ATAD2: variants seen among roughly 807,000 people sequenced by gnomAD.
The protein encoded by ATAD2 is ATPase family AAA domain-containing protein 2.
A neutral mutation model predicts 168.9 loss-of-function variants in ATAD2; 62 were observed. The ratio of observed to expected loss-of-function variants is 0.37; its 90% CI spans 0.30 to 0.45. The LOEUF is 0.45. Ranked by LOEUF, ATAD2 falls within the 20% of genes least tolerant of loss-of-function variation. The pLI is 1.00. For missense variants in ATAD2, 1,419 were observed against 1,667.8 expected, an observed-to-expected ratio of 0.85 and a Z score of 2.60; for synonymous variants, 613 against 571.6, an observed-to-expected ratio of 1.07 and a Z score of -1.03.
intron 2 of ATAD2, among the ~76,000 whole-genome samples, chr8:123,375,230 G>A (rs528169954): frequency 2.5e-4 from 38 of 152,238 alleles, no homozygotes; most frequent in Admixed American, 1.8e-3. Context: ...TTTTTGTACA[G>A]GAAATCTTCT....
At chr8:123,407,463 C>T (rs762905329) in intron 1 of ATAD2, among the ~76,000 whole-genome samples, 1 of 151,906 alleles carries the variant, frequency 6.6e-6, no homozygotes, top group Non-Finnish European at 1.5e-5. Context: ...GTGGCTCACA[C>T]CTGCAATCCC....
At chr8:123,371,964 T>C (rs922292127) in intron 3 of ATAD2, 129 bp from the exon 4 acceptor site, 2 of 1,004,922 alleles carry the variant, frequency 2.0e-6, no homozygotes, top group African/African-American at 3.3e-5. Flanking sequence ...AAACTTAGCT[T>C]TCTTAAAAAC....
chr8:123,357,723 AAAAC>A lies in ATAD2; in HGVS notation c.1392_1395del (p.Leu464PhefsTer27). 3 of 1,607,556 alleles carry A rather than the reference AAAAC, an allele frequency of 1.9e-6. No homozygotes were observed. Among genetic ancestry groups the A allele is most frequent in the Non-Finnish European group, 1.7e-6 (2 of 1,178,110 alleles). ...GTCTTTCCAGTTCCAGGTGGCCCAT[AAAAC>A]AAACAACCTCTGTAAAACAATACAT... On this transcript the variant is annotated frameshift_variant, in exon 12 of 28. Coordinates refer to ENST00000287394, the MANE Select transcript of ATAD2 (RefSeq NM_014109.4). LOFTEE classifies it high-confidence loss of function.
In ATAD2 at chr8:123,320,735, T is replaced by C. The variant is rs1370212838; in HGVS notation, c.*399A>G. On this transcript the variant is annotated 3_prime_UTR_variant, in exon 28 of 28. Coordinates refer to ENST00000287394, the MANE Select transcript of ATAD2 (RefSeq NM_014109.4). ...GACAAAAAAGATGGGAAGGACACAA[T>C]GGTTAAGTAAGTTTCTTGTCAGATA... is the stretch of plus-strand genomic sequence containing the variant. 6.0e-6 allele frequency: 1 copy of C among 165,988 alleles called. No individual in the cohort carries two copies. Among genetic ancestry groups the C allele is most frequent in the Non-Finnish European group, 1.3e-5 (1 of 77,666 alleles). 10.3% of individuals were successfully genotyped at this position (165,988 alleles called of 1,614,324 possible).
upstream of ATAD2, chr8:123,400,509 A>C (rs1374022736): frequency 2.6e-6 from 1 of 389,164 alleles, no homozygotes; most frequent in Non-Finnish European, 4.9e-6. The surrounding 1 kb of genome is among the most constrained non-coding windows in gnomAD (Gnocchi z 4.5). Flanking sequence ...GTCTCAAAAA[A>C]ATAGCCTGCC....
At chr8:123,344,344 CTTTT>C (rs764379399) in intron 19 of ATAD2, among the ~76,000 whole-genome samples, 1 of 125,860 alleles carries the variant, frequency 7.9e-6, no homozygotes, top group Non-Finnish European at 1.7e-5. Flanking sequence ...TTTTTAAATA[CTTTT>C]TTTTTTTTTT....
rs1264465553 is a variant in ATAD2 at position 123,369,909 on chromosome 8, TTCATCATCTTCATCATCA to T, written c.825_842del (p.Asp275_Asp280del). 2 of 1,585,526 alleles carry T rather than the reference TTCATCATCTTCATCATCA, an allele frequency of 1.3e-6. No individual in the cohort carries two copies. Among genetic ancestry groups the T allele is most frequent in the Non-Finnish European group, 1.7e-6 (2 of 1,162,038 alleles). On this transcript the variant is annotated inframe_deletion, in exon 7 of 28. Coordinates refer to ENST00000287394, the MANE Select transcript of ATAD2 (RefSeq NM_014109.4). Reference sequence around the variant, plus strand: ...TCTCTTCTTCTCCATCTTCTTCATCTTCATCATCTTCATCATCATCATCATCATCATCATCGTCATCAT... The same window carrying T: ...TCTCTTCTTCTCCATCTTCTTCATCTTCATCATCATCATCATCGTCATCAT...
At chr8:123,413,218 A>T in intron 1 of ATAD2, among the ~76,000 whole-genome samples, 1 of 77,890 alleles carries the variant, frequency 1.3e-5, no homozygotes. Context: ...CCTGGCTCTA[A>T]TGAGCGCCCC....
In ATAD2 at chr8:123,328,324, G is replaced by A; in HGVS notation, c.3734C>T (p.Thr1245Ile). Reference protein sequence around the residue: ...SKLELRNNSNTCNIENELEDS... With the variant: ...SKLELRNNSNICNIENELEDS... ...TTCAAGCTCATTCTCTATATTACAA[G>A]TATTTGAATTATTTCTCAATTCCAG... Residue 1245 changes from threonine (T) to isoleucine (I), a missense_variant, in exon 25 of 28, where the codon ACT (threonine) becomes ATT (isoleucine). Coordinates refer to ENST00000287394, the MANE Select transcript of ATAD2 (RefSeq NM_014109.4). 1.2e-6 allele frequency: 2 copies of A among 1,607,200 alleles called. No homozygotes were observed. Among genetic ancestry groups the A allele is most frequent in the Non-Finnish European group, 8.5e-7 (1 of 1,177,676 alleles).
At chr8:123,357,188 A>G (rs140533449) in intron 12 of ATAD2, among the ~76,000 whole-genome samples, 18 of 152,322 alleles carry the variant, frequency 1.2e-4, no homozygotes, top group African/African-American at 4.1e-4. Context: ...ATTATCTTAC[A>G]ATGTGCTGTC....
intron 1 of ATAD2, among the ~76,000 whole-genome samples, chr8:123,409,770 T>C (rs1175577780): frequency 1.3e-5 from 2 of 151,852 alleles, no homozygotes; most frequent in South Asian, 4.2e-4. Context: ...TTTAGTTTTG[T>C]ACTAAAAATA....
chr8:123,342,781 C>T (rs1181218966), intron 19 of ATAD2, among the ~76,000 whole-genome samples: 2 of 152,062 alleles, frequency 1.3e-5, no homozygotes, highest in Admixed American at 6.6e-5. Context: ...CCTTGATAAC[C>T]TTGGCCTCCT....
intron 21 of ATAD2, among the ~76,000 whole-genome samples, chr8:123,336,860 T>C (rs1449283453): frequency 6.6e-6 from 1 of 151,888 alleles, no homozygotes; most frequent in Non-Finnish European, 1.5e-5. Flanking sequence ...TCCAATTGTG[T>C]AGGTCATAAT....
rs192459430 is a variant in ATAD2, at chr8:123,386,793, C to T, written c.172-6116G>A. On this transcript the variant is annotated intron_variant, in intron 1 of 27. Transcript: ENST00000287394. ...GGACAATACTAGGAAAAAACATTTCCTAAGAAACTTGGAAGACAATCTTAT... is the reference window on the plus strand; with the variant it reads ...GGACAATACTAGGAAAAAACATTTCTTAAGAAACTTGGAAGACAATCTTAT... 2.5e-3 allele frequency among the ~76,000 whole-genome samples: 384 copies of T among 151,852 alleles called. 4 individuals are homozygous for T. Among genetic ancestry groups the T allele is most frequent in the African/African-American group, 5.1e-3 (210 of 41,424 alleles).
intron 2 of ATAD2, among the ~76,000 whole-genome samples, chr8:123,377,233 C>T (rs1586895416): frequency 6.6e-6 from 1 of 151,746 alleles, no homozygotes; most frequent in Non-Finnish European, 1.5e-5. Context: ...CATGCCACTA[C>T]ACTCCAGCCT....
At chr8:123,362,300 TAAAAAAAAA>T (rs58362261) in intron 8 of ATAD2, among the ~76,000 whole-genome samples, 1 of 133,722 alleles carries the variant, frequency 7.5e-6, no homozygotes, top group Non-Finnish European at 1.6e-5. Flanking sequence ...TGCCTCTATC[TAAAAAAAAA>T]AAAAAAAAAG....
intron 1 of ATAD2, among the ~76,000 whole-genome samples, chr8:123,410,220 T>C (rs1367241743): frequency 6.6e-6 from 1 of 152,198 alleles, no homozygotes; most frequent in African/African-American, 2.4e-5. Context: ...AATCTGGTTC[T>C]AACCATCTCC....
intron 13 of ATAD2, among the ~76,000 whole-genome samples, chr8:123,354,864 A>AAATATATATATATATAT (rs1554644338): frequency 3.1e-5 from 2 of 64,716 alleles, no homozygotes; most frequent in African/African-American, 1.7e-4. Flanking sequence ...AAAAAAAAAA[A>AAATATATATATATATAT]ATATATATAT....
At chr8:123,401,721 T>C in intron 1 of ATAD2, 1 of 748,614 alleles carries the variant, frequency 1.3e-6, no homozygotes, top group Middle Eastern at 3.4e-4. Context: ...TCCATAGTGA[T>C]GATGGGCTCC....
Sources: allele counts gnomAD v4.1 joint callset (sites outside exome capture counted in the v4.1 genomes callset), GRCh38; gene constraint gnomAD v4.1.1; non-coding constraint Gnocchi (gnomAD v3.1); transcripts MANE v1.5; gene names NCBI Gene and HGNC (gene_info 2026-07-23, HGNC 2026-07-21).